Variants in PAM observed in about 807,000 individuals in gnomAD.
PAM encodes peptidylglycine alpha-amidating monooxygenase.
In PAM, 72 loss-of-function variants were observed where a neutral mutation model predicts 122.1. That is an observed-to-expected ratio of 0.59 (90% CI 0.49 to 0.72). The LOEUF is 0.72. PAM is among the 30% of genes least tolerant of loss of function. The pLI, the probability that PAM is intolerant of heterozygous loss-of-function variation, is 0.00. For synonymous variants in PAM, 389 were observed against 404.4 expected, an observed-to-expected ratio of 0.96 and a Z score of 0.46; for missense variants, 1,106 against 1,183.7, an observed-to-expected ratio of 0.93 and a Z score of 0.96.
intron 12 of PAM, among the ~76,000 whole-genome samples, chr5:102,959,660 C>G (rs182722184): frequency 2.6e-5 from 4 of 152,176 alleles, no homozygotes; most frequent in Admixed American, 2.6e-4. Flanking sequence ...GGTGTGCCTG[C>G]AAACTGACAC....
chr5:102,880,302 T>C (rs1443634223), intron 3 of PAM, among the ~76,000 whole-genome samples: 1 of 151,702 alleles, frequency 6.6e-6, no homozygotes, highest in Non-Finnish European at 1.5e-5. Context: ...AAAAGTGACA[T>C]ATGACTGCAT....
intron 1 of PAM, among the ~76,000 whole-genome samples, chr5:102,804,809 G>A (rs2150129497): frequency 6.6e-6 from 1 of 152,236 alleles, no homozygotes; most frequent in Non-Finnish European, 1.5e-5. Context: ...GACAGTCAGG[G>A]CTTTAGAAAT....
intron 1 of PAM, among the ~76,000 whole-genome samples, chr5:102,819,738 G>A (rs7701148): frequency 0.026 from 3,924 of 152,104 alleles, 92 homozygotes; most frequent in East Asian, 0.12. Context: ...TTTCATTTAC[G>A]AAAGAAAGTA....
chr5:102,828,438 A>G (rs992618341), intron 1 of PAM, among the ~76,000 whole-genome samples: 4 of 152,074 alleles, frequency 2.6e-5, no homozygotes, highest in Non-Finnish European at 5.9e-5. Context: ...TTCTGGTCCT[A>G]TGAATACTGG....
rs747708755 is a variant in PAM at position 103,017,414 on chromosome 5, G to A, written c.2412G>A (p.Trp804Ter). 10 of 1,599,682 alleles carry A rather than the reference G, an allele frequency of 6.3e-6. No individual in the cohort carries two copies. Among genetic ancestry groups the A allele is most frequent in the African/African-American group, 1.3e-5 (1 of 74,698 alleles). Residue 804 changes from tryptophan to a stop codon, truncating the protein, a stop_gained, in exon 22 of 26, where the codon TGG becomes TGA. Transcript: ENST00000438793. LOFTEE classifies it high-confidence loss of function. ...YIGDAHTNTVWKFTLTEKLEH... is the reference protein window; with the variant it reads ...YIGDAHTNTV ...GAGATGCTCATACCAACACCGTGTG[G>A]AAGTTCACCTTGACTGAGAGTATGG...
At chr5:102,755,597 CT>C (rs1477490943) in intron 1 of PAM, 3 of 152,364 alleles carry the variant, frequency 2.0e-5, no homozygotes, top group Non-Finnish European at 4.4e-5. Flanking sequence ...TCTCACGACC[CT>C]TCATCACCAT....
At chr5:102,950,416 G>GGTGGGTGTGTGTGTGTGTGTGTGT in intron 11 of PAM, among the ~76,000 whole-genome samples, 1 of 146,062 alleles carries the variant, frequency 6.8e-6, no homozygotes, top group African/African-American at 2.6e-5. Context: ...TATGTGGGTG[G>GGTGGGTGTGTGTGTGTGTGTGTGT]GTGTGTGTGT....
chr5:102,927,662 GCAGTCTCCCT>G (rs1487214362), intron 7 of PAM, among the ~76,000 whole-genome samples: 1 of 151,844 alleles, frequency 6.6e-6, no homozygotes, highest in Non-Finnish European at 1.5e-5. Flanking sequence ...GACAGTAAAT[GCAGTCTCCCT>G]CTGGAAAAGG....
intron 1 of PAM, among the ~76,000 whole-genome samples, chr5:102,807,492 T>G (rs916092965): frequency 2.6e-5 from 4 of 152,200 alleles, no homozygotes; most frequent in African/African-American, 9.7e-5. Flanking sequence ...ACTGTGGCAG[T>G]AGTCAACAGA....
intron 16 of PAM, among the ~76,000 whole-genome samples, chr5:102,994,929 G>A (rs1020195966): frequency 5.9e-5 from 9 of 152,036 alleles, no homozygotes; most frequent in African/African-American, 1.4e-4. Flanking sequence ...TGCAAGTTTC[G>A]TTTGTAGAGA....
chr5:102,769,291 G>A (rs190483), intron 1 of PAM, among the ~76,000 whole-genome samples: 71,431 of 151,664 alleles, frequency 0.47, 16,973 homozygotes, highest in East Asian at 0.52. Flanking sequence ...ATTTTCTCCC[G>A]TTCTGCAGAT....
chr5:102,946,802 A>G (rs375216983), intron 7 of PAM, 35 bp from the exon 8 acceptor site: 5 of 1,321,178 alleles, frequency 3.8e-6, no homozygotes, highest in Non-Finnish European at 5.4e-6. Flanking sequence ...CTACATTATC[A>G]TATTTAAGAT....
intron 18 of PAM, 109 bp from the exon 19 acceptor site, chr5:103,006,692 T>A (rs1779088050): frequency 1.4e-6 from 1 of 720,866 alleles, no homozygotes; most frequent in African/African-American, 1.8e-5. Flanking sequence ...TTTAAATAAG[T>A]CTCTGGGAGC....
At chr5:103,002,633 G>T (rs1352537982) in intron 16 of PAM, among the ~76,000 whole-genome samples, 1 of 151,942 alleles carries the variant, frequency 6.6e-6, no homozygotes, top group East Asian at 1.9e-4. Flanking sequence ...ATTTTCTTTT[G>T]CAATATGAAA....
In PAM at chr5:102,871,053, A is replaced by G. The variant is rs968704740; in HGVS notation, c.210+3660A>G. On this transcript the variant is annotated intron_variant, in intron 3 of 25. Transcript: ENST00000438793. ...AAAGGTATAATTACAATGGTTTTCCATAATGTTTATTGCCTAAATCTAACT... is the reference window on the plus strand; with the variant it reads ...AAAGGTATAATTACAATGGTTTTCCGTAATGTTTATTGCCTAAATCTAACT... Among the ~76,000 whole-genome samples, 19 of 152,318 alleles carry G rather than the reference A, an allele frequency of 1.2e-4. 1 individual carries two copies. The highest frequency in any genetic ancestry group is 7.7e-4 in the East Asian group (4 of 5,186).
At chr5:102,992,609 C>T (rs942627339) in intron 16 of PAM, among the ~76,000 whole-genome samples, 4 of 151,996 alleles carry the variant, frequency 2.6e-5, no homozygotes, top group Admixed American at 1.3e-4. Flanking sequence ...TGAAGTATAT[C>T]GGGTTTTTTT....
chr5:103,019,951 G>C, intron 23 of PAM, 108 bp downstream of exon 23: 1 of 777,784 alleles, frequency 1.3e-6, no homozygotes, highest in Non-Finnish European at 2.4e-6. Context: ...AATATAATCT[G>C]GTAAATTATC....
intron 1 of PAM, among the ~76,000 whole-genome samples, chr5:102,798,988 T>C (rs1390815667): frequency 3.3e-5 from 5 of 152,218 alleles, no homozygotes; most frequent in Non-Finnish European, 7.4e-5. Flanking sequence ...ATGAATCTGC[T>C]GTTGTGTGGA....
chr5:103,028,157 T>C, intron 24 of PAM, 28 bp from the exon 25 acceptor site: 1 of 1,596,244 alleles, frequency 6.3e-7, no homozygotes, highest in African/African-American at 1.3e-5. Context: ...TGGGACTCAT[T>C]TTGAAATGTG....
Sources: gnomAD v4.1 joint callset for allele counts (sites outside exome capture counted in the v4.1 genomes callset) on GRCh38, gnomAD v4.1.1 for gene constraint, MANE v1.5 for transcripts, NCBI Gene and HGNC (gene_info 2026-07-23, HGNC 2026-07-21) for gene names.